The following CTBP2 variants were observed in gnomAD, a reference collection of about 807,000 sequenced individuals.
CTBP2 encodes the protein C-terminal binding protein 2, also known as C-terminal-binding protein 2.
CTBP2 carries 30 observed loss-of-function variants against 80.3 expected under a neutral mutation model. The observed-to-expected ratio is 0.37, with a 90% CI of 0.28 to 0.51. CTBP2 has a LOEUF of 0.51. Ranked by LOEUF, CTBP2 falls within the 20% of genes least tolerant of loss-of-function variation. The pLI is 0.93. For missense variants in CTBP2, 1,212 were observed against 1,375.3 expected, an observed-to-expected ratio of 0.88 and a Z score of 1.88; for synonymous variants, 594 against 587.4, an observed-to-expected ratio of 1.01 and a Z score of -0.16.
chr10:125,013,115 C>T (rs1324555975), intron 1 of CTBP2, among the ~76,000 whole-genome samples: 3 of 152,198 alleles, frequency 2.0e-5, no homozygotes, highest in Non-Finnish European at 2.9e-5. Flanking sequence ...CAGCCCACAG[C>T]TCCTAAACTA....
upstream of CTBP2, chr10:125,028,120 C>CGAGAT: frequency 9.3e-6 from 2 of 214,384 alleles, no homozygotes; most frequent in Non-Finnish European, 1.9e-5. Context: ...TAAATAAAAC[C>CGAGAT]CTAAAGCTTT....
chr10:125,144,858 C>T (rs1247877127), intron 1 of CTBP2, among the ~76,000 whole-genome samples: 1 of 152,188 alleles, frequency 6.6e-6, no homozygotes, highest in Non-Finnish European at 1.5e-5. Flanking sequence ...TCTTTTCTAG[C>T]AGGTATGCTC....
intron 2 of CTBP2, among the ~76,000 whole-genome samples, chr10:125,076,772 A>G (rs1554905516): frequency 1.3e-5 from 2 of 152,038 alleles, no homozygotes; most frequent in Non-Finnish European, 1.5e-5. Flanking sequence ...TTTTATATCC[A>G]CTCTGGCAAG....
chr10:125,002,258 C>G (rs1462653152), intron 3 of CTBP2, among the ~76,000 whole-genome samples: 1 of 152,228 alleles, frequency 6.6e-6, no homozygotes, highest in Non-Finnish European at 1.5e-5. Flanking sequence ...ACGCTCGATG[C>G]CAGCGGTCTG....
chr10:125,089,056 ATTTC>A (rs1221152672), intron 2 of CTBP2, among the ~76,000 whole-genome samples: 1 of 152,224 alleles, frequency 6.6e-6, no homozygotes, highest in East Asian at 1.9e-4. Flanking sequence ...CCATGTTCTA[ATTTC>A]TTTAATAGGG....
chr10:125,152,252 C>G (rs999357665), intron 1 of CTBP2, among the ~76,000 whole-genome samples: 1 of 152,192 alleles, frequency 6.6e-6, no homozygotes, highest in African/African-American at 2.4e-5. Flanking sequence ...ACCCCAGAAG[C>G]CCGGACGCCA....
chr10:125,001,146 T>G (rs1954439213), intron 3 of CTBP2: 1 of 152,236 alleles, frequency 6.6e-6, no homozygotes, highest in Non-Finnish European at 1.5e-5. Flanking sequence ...CCACTGCCTG[T>G]GCGGGGCACT....
At chr10:125,032,280 A>G (rs1338398623), upstream of CTBP2, among the ~76,000 whole-genome samples, 1 of 152,032 alleles carries the variant, frequency 6.6e-6, no homozygotes, top group African/African-American at 2.4e-5. Context: ...AATGAACACC[A>G]CCCCTTCTGC....
intron 2 of CTBP2, among the ~76,000 whole-genome samples, chr10:125,052,005 C>G (rs1181435742): frequency 7.9e-5 from 12 of 152,296 alleles, no homozygotes; most frequent in Admixed American, 7.2e-4. Context: ...TCTCAGACTT[C>G]CAGCCTCTAG....
At chr10:125,130,896 G>C (rs924225779) in intron 1 of CTBP2, among the ~76,000 whole-genome samples, 2 of 152,212 alleles carry the variant, frequency 1.3e-5, no homozygotes, top group African/African-American at 4.8e-5. Context: ...AGGGCTCGCT[G>C]TCCAAGCTGG....
intron 8 of CTBP2, among the ~76,000 whole-genome samples, chr10:124,991,503 A>T (rs1952610235): frequency 6.6e-6 from 1 of 152,212 alleles, no homozygotes; most frequent in East Asian, 1.9e-4. Context: ...AAATGTGAAG[A>T]CAGCCATGTG....
chr10:124,996,986 G>A (rs1953691955), intron 4 of CTBP2: 1 of 152,346 alleles, frequency 6.6e-6, no homozygotes, highest in African/African-American at 2.4e-5. Context: ...ACTCCTGGAA[G>A]CGTCCAGCAA....
intron 1 of CTBP2, among the ~76,000 whole-genome samples, chr10:125,157,146 G>A (rs951834911): frequency 2.6e-5 from 4 of 152,066 alleles, no homozygotes; most frequent in African/African-American, 9.7e-5. Context: ...TTCTCTTCAC[G>A]GAATTGATGA....
At chr10:125,145,185 G>A (rs986789185) in intron 1 of CTBP2, among the ~76,000 whole-genome samples, 4 of 152,194 alleles carry the variant, frequency 2.6e-5, no homozygotes, top group Non-Finnish European at 2.9e-5. Flanking sequence ...TTGGGGGAGT[G>A]GTTTGTTTTT....
intron 1 of CTBP2, among the ~76,000 whole-genome samples, chr10:125,156,650 T>C (rs1049765762): frequency 2.9e-4 from 44 of 152,350 alleles, no homozygotes; most frequent in Non-Finnish European, 2.9e-4. Flanking sequence ...TAAAATCCAG[T>C]GCACTGCTTG....
chr10:125,005,801 G>C (rs750515740), intron 1 of CTBP2: 13 of 1,611,396 alleles, frequency 8.1e-6, no homozygotes, highest in Admixed American at 1.7e-5. Flanking sequence ...TGGAAGTCCT[G>C]GTCTCATGCC....
intron 3 of CTBP2, among the ~76,000 whole-genome samples, chr10:125,037,717 T>G (rs1959034475): frequency 6.6e-6 from 1 of 152,216 alleles, no homozygotes; most frequent in Non-Finnish European, 1.5e-5. Flanking sequence ...TAGACAATAC[T>G]GTCCCTGAGG....
intron 2 of CTBP2, among the ~76,000 whole-genome samples, chr10:125,086,342 GC>G (rs1460185167): frequency 6.6e-6 from 1 of 152,144 alleles, no homozygotes; most frequent in African/African-American, 2.4e-5. Flanking sequence ...GACCAGCCTG[GC>G]CAACACAGCG....
At chr10:125,121,279 T>TGGCACGCCAGAGGCACCC (rs1364736896) in intron 1 of CTBP2, among the ~76,000 whole-genome samples, 3 of 152,244 alleles carry the variant, frequency 2.0e-5, no homozygotes, top group African/African-American at 7.2e-5. Flanking sequence ...GCGTGGCGCC[T>TGGCACGCCAGAGGCACCC]GGCACGCCAG....
Sources: allele counts gnomAD v4.1 joint callset (sites outside exome capture counted in the v4.1 genomes callset), GRCh38; gene constraint gnomAD v4.1.1; transcripts MANE v1.5; gene names NCBI Gene and HGNC (gene_info 2026-07-23, HGNC 2026-07-21).